The following PARD3B variants were observed in gnomAD, a reference collection of about 807,000 sequenced individuals.
The protein encoded by PARD3B is partitioning defective 3 homolog B.
A neutral mutation model predicts 130.2 loss-of-function variants in PARD3B; 103 were observed. The observed-to-expected ratio is 0.79, with a 90% confidence interval of 0.67 to 0.93. The LOEUF (loss-of-function observed/expected upper bound fraction) is 0.93. PARD3B is among the 40% of genes least tolerant of loss of function. PARD3B has a pLI of 0.00. For synonymous variants in PARD3B, 583 were observed against 553.2 expected (o/e 1.05, Z -0.76); for missense variants, 1,609 against 1,499.2 (o/e 1.07, Z -1.21).
chr2:204,599,069 A>C (rs1396276017), intron 1 of PARD3B, among the ~76,000 whole-genome samples: 1 of 151,718 alleles, frequency 6.6e-6, no homozygotes, highest in Admixed American at 6.6e-5. Flanking sequence ...AAAAAAAAAG[A>C]CATTGTTTTT....
At chr2:205,217,627 G>A (rs1240958057) in intron 15 of PARD3B, among the ~76,000 whole-genome samples, 2 of 151,400 alleles carry the variant, frequency 1.3e-5, no homozygotes, top group Non-Finnish European at 2.9e-5. Context: ...CACCCAGAGA[G>A]AAAAATATAA....
intron 21 of PARD3B, among the ~76,000 whole-genome samples, chr2:205,522,869 C>G (rs896848647): frequency 6.6e-6 from 1 of 151,884 alleles, no homozygotes; most frequent in Non-Finnish European, 1.5e-5. Flanking sequence ...GTGTTTCTTA[C>G]TATTGAGAAA....
chr2:205,088,264 T>C (rs1701863381), intron 4 of PARD3B, among the ~76,000 whole-genome samples: 2 of 152,090 alleles, frequency 1.3e-5, no homozygotes, highest in African/African-American at 4.8e-5. Context: ...TAACTTCCTT[T>C]AGAGGGAAGG....
chr2:205,141,831 ATAAAG>A (rs1379588175), intron 10 of PARD3B, among the ~76,000 whole-genome samples: 1 of 152,232 alleles, frequency 6.6e-6, no homozygotes, highest in African/African-American at 2.4e-5. Flanking sequence ...AGATGGTATT[ATAAAG>A]TATTGAAACT....
At chr2:204,923,028 A>G (rs138666255) in intron 2 of PARD3B, among the ~76,000 whole-genome samples, 146 of 152,228 alleles carry the variant, frequency 9.6e-4, no homozygotes, top group African/African-American at 3.4e-3. Context: ...GAAGTGGCCT[A>G]TGTCTGTCTG....
chr2:204,861,198 C>T (rs1164055457), intron 2 of PARD3B, among the ~76,000 whole-genome samples: 2 of 139,964 alleles, frequency 1.4e-5, no homozygotes, highest in Non-Finnish European at 3.0e-5. Context: ...CTCTCTCTCT[C>T]TCTCTCTCTC....
chr2:204,966,519 T>C (rs1691267235), intron 3 of PARD3B, among the ~76,000 whole-genome samples: 1 of 152,114 alleles, frequency 6.6e-6, no homozygotes, highest in African/African-American at 2.4e-5. Context: ...AGAGGAAAAT[T>C]AGGCAATAAG....
chr2:205,161,116 C>G (rs969548756), intron 11 of PARD3B, among the ~76,000 whole-genome samples: 7 of 152,134 alleles, frequency 4.6e-5, no homozygotes, highest in Non-Finnish European at 1.0e-4. Context: ...AAAATTGAAA[C>G]TGAGATGACT....
intron 16 of PARD3B, among the ~76,000 whole-genome samples, chr2:205,295,437 G>A (rs1178820967): frequency 1.1e-4 from 16 of 152,142 alleles, no homozygotes; most frequent in Admixed American, 1.0e-3. Flanking sequence ...TATTTTAGAA[G>A]GAAGGATTGT....
At chr2:204,590,376 G>A (rs781313175) in intron 1 of PARD3B, among the ~76,000 whole-genome samples, 8 of 152,292 alleles carry the variant, frequency 5.3e-5, no homozygotes, top group South Asian at 2.1e-4. Flanking sequence ...ACACAGATGC[G>A]CAGTTTGTAA....
chr2:204,991,521 A>G (rs373310369), intron 3 of PARD3B, among the ~76,000 whole-genome samples: 3 of 140,524 alleles, frequency 2.1e-5, no homozygotes, highest in South Asian at 2.6e-4. Context: ...ATTGTGAATA[A>G]TGCCGCAATA....
Position 205,183,749 on chromosome 2 carries a change from T to TGTG in PARD3B, c.1925-2014_1925-2012dup, listed in dbSNP as rs1222078642. Among the ~76,000 whole-genome samples, 2 of 151,014 alleles carry TGTG rather than the reference T, an allele frequency of 1.3e-5. No homozygotes were observed. Among genetic ancestry groups the TGTG allele is most frequent in the African/African-American group, 2.4e-5 (1 of 40,856 alleles). ...ACCAAGTTGTGTGTGTGTGTGTGTG[T>TGTG]GTGTGTGTGTGTGTGTGTGTGTGTG... On this transcript the variant is annotated intron_variant, in intron 13 of 22. Transcript: ENST00000406610. The surrounding 1 kb of genome is among the most constrained non-coding windows in gnomAD (Gnocchi z 5.2).
At chr2:205,226,756 C>G (rs185869631) in intron 15 of PARD3B, among the ~76,000 whole-genome samples, 9 of 152,290 alleles carry the variant, frequency 5.9e-5, no homozygotes, top group Admixed American at 5.9e-4. Flanking sequence ...GTTCTGATTA[C>G]TTTAGCTGTG....
chr2:204,697,983 T>C (rs1461728049), intron 2 of PARD3B, among the ~76,000 whole-genome samples: 2 of 152,108 alleles, frequency 1.3e-5, no homozygotes, highest in Admixed American at 1.3e-4. Flanking sequence ...TTTGTTGTTA[T>C]GAAGTTTAGA....
chr2:205,328,609 G>A (rs2043012233), intron 18 of PARD3B, among the ~76,000 whole-genome samples: 1 of 152,116 alleles, frequency 6.6e-6, no homozygotes, highest in African/African-American at 2.4e-5. Flanking sequence ...GAAATTTCAT[G>A]ATTTGGAACT....
chr2:204,871,360 A>G (rs1024891869), intron 2 of PARD3B, among the ~76,000 whole-genome samples: 10 of 152,138 alleles, frequency 6.6e-5, no homozygotes, highest in Admixed American at 5.2e-4. Flanking sequence ...TAATCATGTC[A>G]TATTTCTGCA....
chr2:205,415,733 T>A (rs1337317949), intron 19 of PARD3B, among the ~76,000 whole-genome samples: 1 of 150,790 alleles, frequency 6.6e-6, no homozygotes, highest in Non-Finnish European at 1.5e-5. Flanking sequence ...TTCAAAGAAA[T>A]TTTTTTTTAA....
At chr2:205,153,614 C>A in intron 10 of PARD3B, among the ~76,000 whole-genome samples, 1 of 152,180 alleles carries the variant, frequency 6.6e-6, no homozygotes, top group East Asian at 1.9e-4. Flanking sequence ...AAGAACAAAG[C>A]TAGAGGCATC....
chr2:205,175,886 A>G (rs1233053328), intron 12 of PARD3B, among the ~76,000 whole-genome samples: 1 of 128,240 alleles, frequency 7.8e-6, no homozygotes, highest in Non-Finnish European at 1.8e-5. Flanking sequence ...CAAAATAGGA[A>G]GGGGAAATAT....
Sources: gnomAD v4.1 joint callset for allele counts (sites outside exome capture counted in the v4.1 genomes callset) on GRCh38, gnomAD v4.1.1 for gene constraint, Gnocchi (gnomAD v3.1) non-coding constraint, MANE v1.5 for transcripts, NCBI Gene and HGNC (gene_info 2026-07-23, HGNC 2026-07-21) for gene names.